ADIPOR2: variants seen among roughly 807,000 people sequenced by gnomAD.
The protein encoded by ADIPOR2 is adiponectin receptor 2, also known as adiponectin receptor protein 2.
ADIPOR2 carries 18 observed loss-of-function variants against 40.9 expected under a neutral mutation model. The ratio of observed to expected loss-of-function variants is 0.44; its 90% confidence interval spans 0.30 to 0.65. ADIPOR2 has a LOEUF of 0.65. Among genes scored for constraint, ADIPOR2 ranks in the 30% least tolerant of loss-of-function variants. ADIPOR2 has a pLI of 0.09. For synonymous variants in ADIPOR2, 165 were observed against 166.4 expected (o/e 0.99, Z 0.06); for missense variants, 283 against 479.2 (o/e 0.59, Z 3.82).
chr12:1,699,560 A>G (rs2094646099), intron 1 of ADIPOR2, among the ~76,000 whole-genome samples: 1 of 152,230 alleles, frequency 6.6e-6, no homozygotes, highest in African/African-American at 2.4e-5. Flanking sequence ...CCGAGGCAGG[A>G]TAATCACTTG....
chr12:1,735,437 G>A (rs1480503985), intron 1 of ADIPOR2, among the ~76,000 whole-genome samples: 5 of 152,114 alleles, frequency 3.3e-5, no homozygotes, highest in East Asian at 1.9e-4. Flanking sequence ...ATTTTTGCAC[G>A]TTGATTTTGT....
At position 1,738,315 on chromosome 12, in the gene ADIPOR2, A is replaced by G. The variant is rs188322747; in HGVS notation, c.-86-15943A>G. ...AGGATCACTTGAATCTGGGAAATTG[A>G]GGCTGCAGTATGAGCTGTGATTGCA... On this transcript the variant is annotated intron_variant, in intron 1 of 7. Coordinates refer to ENST00000357103, the MANE Select transcript of ADIPOR2 (RefSeq NM_024551.3). Among the ~76,000 whole-genome samples the G allele has an allele frequency of 3.6e-3, 540 of 150,732 alleles. 3 individuals carry two copies. The highest frequency in any genetic ancestry group is 0.013 in the African/African-American group (534 of 40,484).
At chr12:1,699,883 A>G (rs1301390484) in intron 1 of ADIPOR2, among the ~76,000 whole-genome samples, 1 of 152,232 alleles carries the variant, frequency 6.6e-6, no homozygotes, top group Non-Finnish European at 1.5e-5. Flanking sequence ...GGATTGGAGT[A>G]TACCATGTGT....
chr12:1,772,354 G>A (rs1862507409), intron 2 of ADIPOR2, among the ~76,000 whole-genome samples: 1 of 152,130 alleles, frequency 6.6e-6, no homozygotes, highest in African/African-American at 2.4e-5. Flanking sequence ...TAAGTTAGAT[G>A]ACCTATATAT....
chr12:1,697,710 G>C (rs1328814270), intron 1 of ADIPOR2: 1 of 152,728 alleles, frequency 6.5e-6, no homozygotes, highest in Non-Finnish European at 1.5e-5. Context: ...TTGATGGATG[G>C]ATATGATACT....
intron 1 of ADIPOR2, among the ~76,000 whole-genome samples, chr12:1,704,510 C>T (rs183087276): frequency 6.6e-6 from 1 of 152,310 alleles, no homozygotes; most frequent in African/African-American, 2.4e-5. Context: ...TTTTGCATTG[C>T]TGGCTACAGA....
chr12:1,705,043 T>C (rs2094659253), intron 1 of ADIPOR2, among the ~76,000 whole-genome samples: 2 of 152,164 alleles, frequency 1.3e-5, no homozygotes, highest in Admixed American at 6.6e-5. Flanking sequence ...AACAGACTTG[T>C]GCTCTGGAGG....
chr12:1,719,898 AC>A (rs1029860086), intron 1 of ADIPOR2, among the ~76,000 whole-genome samples: 56 of 152,006 alleles, frequency 3.7e-4, no homozygotes, highest in African/African-American at 1.3e-3. Flanking sequence ...GCTGGTCTCG[AC>A]CTCCTGACCT....
At chr12:1,712,592 G>A (rs2094679774) in intron 1 of ADIPOR2, among the ~76,000 whole-genome samples, 1 of 152,106 alleles carries the variant, frequency 6.6e-6, no homozygotes, top group Non-Finnish European at 1.5e-5. Context: ...CTTGTGGGAA[G>A]GCTTAAGGCT....
intron 3 of ADIPOR2, among the ~76,000 whole-genome samples, chr12:1,774,477 G>A (rs2154444235): frequency 6.6e-6 from 1 of 152,300 alleles, no homozygotes; most frequent in East Asian, 1.9e-4. Flanking sequence ...CAGTGCAACT[G>A]ACCACACTTG....
chr12:1,747,522 G>C (rs1565647021), intron 1 of ADIPOR2, among the ~76,000 whole-genome samples: 1 of 152,108 alleles, frequency 6.6e-6, no homozygotes, highest in South Asian at 2.1e-4. Flanking sequence ...TTGTTGGGCG[G>C]TGGTGGGTGG....
At chr12:1,757,811 A>C (rs1355385214) in intron 2 of ADIPOR2, 2 of 857,402 alleles carry the variant, frequency 2.3e-6, no homozygotes, top group Non-Finnish European at 4.1e-6. Flanking sequence ...ATCTTAATGA[A>C]CCTCTGCATG....
At chr12:1,773,934 A>G (rs1862537253) in intron 3 of ADIPOR2, among the ~76,000 whole-genome samples, 1 of 152,228 alleles carries the variant, frequency 6.6e-6, no homozygotes, top group African/African-American at 2.4e-5. Context: ...CTGAACATAG[A>G]CATCCTTTCC....
rs985731667 is a variant in ADIPOR2, at chr12:1,788,096, A to G, written c.*2024A>G. On this transcript the variant is annotated 3_prime_UTR_variant, in exon 8 of 8. Coordinates refer to ENST00000357103, the MANE Select transcript of ADIPOR2 (RefSeq NM_024551.3). ...TCTTCGGTCATGCACTTTGGGATACAGCGTATAGGTGCAGCCCTGTCACAA... is the reference window on the plus strand; with the variant it reads ...TCTTCGGTCATGCACTTTGGGATACGGCGTATAGGTGCAGCCCTGTCACAA... 6.5e-6 allele frequency: 1 copy of G among 152,716 alleles called. No individual in the cohort carries two copies. Among genetic ancestry groups the G allele is most frequent in the Non-Finnish European group, 1.5e-5 (1 of 68,088 alleles). 9.5% of individuals were successfully genotyped at this position (152,716 alleles called of 1,614,324 possible).
intron 6 of ADIPOR2, among the ~76,000 whole-genome samples, chr12:1,782,692 T>A (rs1862741622): frequency 6.6e-6 from 1 of 152,242 alleles, no homozygotes; most frequent in Non-Finnish European, 1.5e-5. Flanking sequence ...TTGAGACTCA[T>A]TTAATTGATC....
At chr12:1,691,810 C>T (rs550991166) in intron 1 of ADIPOR2, among the ~76,000 whole-genome samples, 29 of 152,182 alleles carry the variant, frequency 1.9e-4, no homozygotes, top group African/African-American at 6.0e-4. Context: ...TTAGGGGGCT[C>T]GGAGAGAGTT....
intron 3 of ADIPOR2, among the ~76,000 whole-genome samples, chr12:1,773,480 C>T (rs184341227): frequency 5.6e-4 from 84 of 149,912 alleles, no homozygotes; most frequent in African/African-American, 1.8e-3. Flanking sequence ...TTCTTCCAGT[C>T]CATTGTCTTG....
chr12:1,738,325 A>G (rs984854684), intron 1 of ADIPOR2, among the ~76,000 whole-genome samples: 2 of 150,906 alleles, frequency 1.3e-5, no homozygotes, highest in African/African-American at 4.9e-5. Context: ...AGGCTGCAGT[A>G]TGAGCTGTGA....
chr12:1,718,921 A>G (rs1422124646), intron 1 of ADIPOR2, among the ~76,000 whole-genome samples: 1 of 152,236 alleles, frequency 6.6e-6, no homozygotes, highest in African/African-American at 2.4e-5. Flanking sequence ...GTAGTGATAC[A>G]ACATGTTGCC....
Sources: gnomAD v4.1 joint callset for allele counts (sites outside exome capture counted in the v4.1 genomes callset) on GRCh38, gnomAD v4.1.1 for gene constraint, MANE v1.5 for transcripts, NCBI Gene and HGNC (gene_info 2026-07-23, HGNC 2026-07-21) for gene names.